CNTNAP2: variants seen among roughly 807,000 people sequenced by gnomAD.
CNTNAP2 encodes contactin-associated protein-like 2.
Under a neutral mutation model 155.2 loss-of-function variants are expected in CNTNAP2, and 98 were observed. That is an observed-to-expected ratio of 0.63 (90% CI 0.54 to 0.75). The LOEUF is 0.75. Ranked by LOEUF, CNTNAP2 falls within the 30% of genes least tolerant of loss-of-function variation. The probability of loss-of-function intolerance (pLI) is 0.00; values close to 1 mark genes in which losing one functional copy is unlikely to be tolerated. For synonymous variants in CNTNAP2, 651 were observed against 631.2 expected (o/e 1.03, Z -0.47); for missense variants, 1,727 against 1,688.1 (o/e 1.02, Z -0.40).
intron 1 of CNTNAP2, among the ~76,000 whole-genome samples, chr7:146,251,648 A>G (rs1396819051): frequency 6.6e-6 from 1 of 152,184 alleles, no homozygotes; most frequent in Admixed American, 6.6e-5. Context: ...ATGGGGTAGG[A>G]GGAGAGTATG....
intron 3 of CNTNAP2, among the ~76,000 whole-genome samples, chr7:146,987,024 A>C (rs1197385190): frequency 6.6e-6 from 1 of 152,096 alleles, no homozygotes; most frequent in Non-Finnish European, 1.5e-5. Context: ...TCTGGAGAAA[A>C]ATTCTGTCAG....
intron 4 of CNTNAP2, among the ~76,000 whole-genome samples, chr7:147,095,145 G>T (rs1287416902): frequency 1.3e-5 from 2 of 151,090 alleles, no homozygotes; most frequent in Non-Finnish European, 2.9e-5. Flanking sequence ...TGAGCCTCCC[G>T]AGTAGCTGGG....
intron 16 of CNTNAP2, among the ~76,000 whole-genome samples, chr7:148,129,028 C>T (rs1247465459): frequency 3.3e-5 from 5 of 152,090 alleles, no homozygotes; most frequent in Non-Finnish European, 7.4e-5. Context: ...GTAATAATTC[C>T]TTTGCCTTGG....
At chr7:147,686,523 A>G (rs1251479101) in intron 13 of CNTNAP2, among the ~76,000 whole-genome samples, 1 of 152,044 alleles carries the variant, frequency 6.6e-6, no homozygotes, top group Non-Finnish European at 1.5e-5. Flanking sequence ...TGGTATTTAA[A>G]TCCAGGGGTC....
intron 21 of CNTNAP2, among the ~76,000 whole-genome samples, chr7:148,354,957 A>C (rs1434384438): frequency 6.6e-6 from 1 of 151,992 alleles, no homozygotes; most frequent in African/African-American, 2.4e-5. Flanking sequence ...TGACAAAAGC[A>C]ATCCAAACCC....
At chr7:146,555,769 G>T (rs1185594829) in intron 1 of CNTNAP2, among the ~76,000 whole-genome samples, 2 of 152,166 alleles carry the variant, frequency 1.3e-5, no homozygotes, top group Non-Finnish European at 2.9e-5. Context: ...AGAGCCTTTG[G>T]CATCAGAAGG....
chr7:147,801,149 A>T (rs1797975904), intron 13 of CNTNAP2, among the ~76,000 whole-genome samples: 1 of 152,206 alleles, frequency 6.6e-6, no homozygotes, highest in Non-Finnish European at 1.5e-5. Context: ...AGACTTACAA[A>T]TTGGGAGAAC....
chr7:146,934,571 A>C (rs1029747503), intron 3 of CNTNAP2, among the ~76,000 whole-genome samples: 2 of 152,184 alleles, frequency 1.3e-5, no homozygotes, highest in Non-Finnish European at 2.9e-5. Flanking sequence ...CACATTGTGC[A>C]CATGTACCAT....
At chr7:146,624,996 A>G (rs780209680) in intron 1 of CNTNAP2, among the ~76,000 whole-genome samples, 2 of 152,032 alleles carry the variant, frequency 1.3e-5, no homozygotes, top group Non-Finnish European at 2.9e-5. Context: ...ATCTCCATCC[A>G]ACAAACAGCA....
chr7:147,618,710 C>CAGCTATTAT, intron 12 of CNTNAP2, among the ~76,000 whole-genome samples: 1 of 115,620 alleles, frequency 8.6e-6, no homozygotes, highest in Non-Finnish European at 1.8e-5. Context: ...AGCTATTATA[C>CAGCTATTAT]ACACACACAC....
intron 15 of CNTNAP2, among the ~76,000 whole-genome samples, chr7:147,997,630 A>G (rs1365163986): frequency 6.6e-6 from 1 of 152,166 alleles, no homozygotes; most frequent in Non-Finnish European, 1.5e-5. Context: ...CAAAAGAAAA[A>G]GAATACTTTG....
At chr7:148,160,942 T>A (rs1805521811) in intron 17 of CNTNAP2, among the ~76,000 whole-genome samples, 1 of 152,240 alleles carries the variant, frequency 6.6e-6, no homozygotes. Context: ...CCGTAATTCT[T>A]GACTTTTGTT....
chr7:146,633,974 G>A (rs551670871), intron 1 of CNTNAP2, among the ~76,000 whole-genome samples: 1 of 151,774 alleles, frequency 6.6e-6, no homozygotes, highest in Admixed American at 6.6e-5. Context: ...AGCCTACAAT[G>A]TGATTGATCC....
intron 20 of CNTNAP2, among the ~76,000 whole-genome samples, chr7:148,241,006 T>C (rs902508111): frequency 2.0e-5 from 3 of 152,164 alleles, no homozygotes; most frequent in Non-Finnish European, 2.9e-5. Flanking sequence ...CTGACTCAAA[T>C]GGTAATCTCC....
chr7:146,790,608 C>T (rs1363135889), intron 2 of CNTNAP2, among the ~76,000 whole-genome samples: 5 of 145,810 alleles, frequency 3.4e-5, no homozygotes, highest in African/African-American at 5.2e-5. Context: ...CTCGCTCTGT[C>T]GCCCAGGCTG....
At chr7:146,350,332 GA>G (rs1418857918) in intron 1 of CNTNAP2, among the ~76,000 whole-genome samples, 1 of 151,586 alleles carries the variant, frequency 6.6e-6, no homozygotes, top group African/African-American at 2.4e-5. Context: ...AAATTTACAA[GA>G]AAAAAACAAA....
At chr7:146,485,177 A>G (rs1027227904) in intron 1 of CNTNAP2, among the ~76,000 whole-genome samples, 24 of 151,708 alleles carry the variant, frequency 1.6e-4, no homozygotes, top group African/African-American at 5.8e-4. Context: ...TTTTTTTGCA[A>G]TGTTGGAAAG....
rs1276874356 is a variant in CNTNAP2 at position 147,688,249 on chromosome 7, C to T, written c.2098+48943C>T. On this transcript the variant is annotated intron_variant, in intron 13 of 23. Coordinates refer to ENST00000361727, the MANE Select transcript of CNTNAP2 (RefSeq NM_014141.6). ...AAGAGAGAAATTGTAGAAGGAAGAC[C>T]AGTTATTAAAGAACAAAATGTCGAT... Among the ~76,000 whole-genome samples the T allele has an allele frequency of 2.6e-5, 4 of 152,176 alleles. No homozygotes were observed. In the East Asian group the frequency reaches 5.8e-4, roughly 22 times the overall value.
intron 11 of CNTNAP2, among the ~76,000 whole-genome samples, chr7:147,501,061 G>A (rs554078278): frequency 4.6e-5 from 7 of 152,064 alleles, no homozygotes; most frequent in Non-Finnish European, 8.8e-5. Context: ...ATCCCTGGAT[G>A]CAAGGATGGT....
Sources: allele counts gnomAD v4.1 joint callset (sites outside exome capture counted in the v4.1 genomes callset), GRCh38; gene constraint gnomAD v4.1.1; transcripts MANE v1.5; gene names NCBI Gene and HGNC (gene_info 2026-07-23, HGNC 2026-07-21).